The following BICD1 variants were observed in gnomAD, a reference collection of about 807,000 sequenced individuals.
BICD1 encodes the protein BICD cargo adaptor 1, also known as protein bicaudal D homolog 1.
In BICD1, 35 loss-of-function variants were observed where a neutral mutation model predicts 92.5. The ratio of observed to expected loss-of-function variants is 0.38; its 90% CI spans 0.29 to 0.50. The LOEUF (loss-of-function observed/expected upper bound fraction) is 0.50. Among genes scored for constraint, BICD1 ranks in the 20% least tolerant of loss-of-function variants. The pLI is 0.93. For synonymous variants in BICD1, 429 were observed against 465.1 expected (o/e 0.92, Z 1.00); for missense variants, 950 against 1,189.8 (o/e 0.80, Z 2.97).
intron 1 of BICD1, among the ~76,000 whole-genome samples, chr12:32,123,108 G>A (rs1592334022): frequency 6.6e-6 from 1 of 152,138 alleles, no homozygotes; most frequent in Non-Finnish European, 1.5e-5. Context: ...CATCCAAAAT[G>A]CTATGGGGGG....
chr12:32,366,155 G>GT (rs1248480657), intron 8 of BICD1, among the ~76,000 whole-genome samples: 2 of 152,190 alleles, frequency 1.3e-5, no homozygotes, highest in Non-Finnish European at 2.9e-5. Flanking sequence ...AGCATCAGCA[G>GT]TTTTTTCGAA....
At chr12:32,296,958 G>T (rs1357823517) in intron 3 of BICD1, among the ~76,000 whole-genome samples, 1 of 152,192 alleles carries the variant, frequency 6.6e-6, no homozygotes, top group Non-Finnish European at 1.5e-5. Flanking sequence ...AAAAAGGAGG[G>T]GGGACTTACA....
At chr12:32,234,249 T>A (rs1437610073) in intron 2 of BICD1, among the ~76,000 whole-genome samples, 1 of 152,190 alleles carries the variant, frequency 6.6e-6, no homozygotes, top group Non-Finnish European at 1.5e-5. Context: ...TTAAAAGTAC[T>A]TTTTTAGAAA....
chr12:32,246,805 C>G (rs1051724828), intron 2 of BICD1, among the ~76,000 whole-genome samples: 11 of 152,156 alleles, frequency 7.2e-5, no homozygotes, highest in Admixed American at 2.6e-4. Flanking sequence ...AAGACAAAAC[C>G]CTTGCTCTCA....
chr12:32,242,052 CA>C (rs112753735), intron 2 of BICD1, among the ~76,000 whole-genome samples: 1 of 149,748 alleles, frequency 6.7e-6, no homozygotes, highest in African/African-American at 2.5e-5. Flanking sequence ...AACAAACAAA[CA>C]AAAAAACAAA....
chr12:32,205,091 A>G (rs374423023), intron 1 of BICD1, among the ~76,000 whole-genome samples: 1 of 152,212 alleles, frequency 6.6e-6, no homozygotes, highest in African/African-American at 2.4e-5. Context: ...TTAAGAATGA[A>G]ATAAAACTTT....
chr12:32,335,873 C>T lies in BICD1; in HGVS notation c.2252+1206C>T, dbSNP rs182279389. Among the ~76,000 whole-genome samples, 8 of 152,218 alleles carry T rather than the reference C, an allele frequency of 5.3e-5. 1 individual carries two copies. The highest frequency in any genetic ancestry group is 1.3e-4 in the Admixed American group (2 of 15,286). On this transcript the variant is annotated intron_variant, in intron 6 of 9. Transcript: ENST00000652176. The stretch of plus-strand genomic sequence containing the variant: ...GTCCTGAGATACGGGTATGAGCCAC[C>T]ATGCCCGACCAAATCCTACCAATTG...
chr12:32,156,303 C>T (rs947248829), intron 1 of BICD1, among the ~76,000 whole-genome samples: 1 of 152,170 alleles, frequency 6.6e-6, no homozygotes, highest in Non-Finnish European at 1.5e-5. Flanking sequence ...ACAAACATAC[C>T]TCTGTGTGTG....
intron 1 of BICD1, among the ~76,000 whole-genome samples, chr12:32,176,329 T>A (rs570830021): frequency 1.6e-4 from 25 of 152,080 alleles, no homozygotes; most frequent in African/African-American, 6.0e-4. Flanking sequence ...TTTATATTTC[T>A]AGCAGTAATG....
At chr12:32,133,123 T>G (rs911790296) in intron 1 of BICD1, among the ~76,000 whole-genome samples, 1 of 152,104 alleles carries the variant, frequency 6.6e-6, no homozygotes, top group Non-Finnish European at 1.5e-5. Flanking sequence ...GGAGACGAAA[T>G]ATTTGCTTAT....
intron 1 of BICD1, among the ~76,000 whole-genome samples, chr12:32,188,078 A>G (rs1027592961): frequency 9.2e-5 from 14 of 151,972 alleles, no homozygotes; most frequent in Admixed American, 3.3e-4. Flanking sequence ...AGCTGGGATT[A>G]CAGAAACCTG....
chr12:32,123,896 C>T (rs1262749121), intron 1 of BICD1, among the ~76,000 whole-genome samples: 1 of 151,728 alleles, frequency 6.6e-6, no homozygotes, highest in Non-Finnish European at 1.5e-5. Context: ...AAAAAAAAGA[C>T]AGCCAGTTAT....
At chr12:32,333,971 C>G (rs1937990692) in intron 5 of BICD1, among the ~76,000 whole-genome samples, 1 of 152,120 alleles carries the variant, frequency 6.6e-6, no homozygotes, top group South Asian at 2.1e-4. Flanking sequence ...TTTATCACTT[C>G]TTTTCCTTAA....
chr12:32,285,994 C>G (rs907488021), intron 2 of BICD1, among the ~76,000 whole-genome samples: 1 of 152,126 alleles, frequency 6.6e-6, no homozygotes, highest in African/African-American at 2.4e-5. Context: ...ATAAATAAGA[C>G]CAGTTTTCTT....
At chr12:32,240,113 A>G (rs926157237) in intron 2 of BICD1, among the ~76,000 whole-genome samples, 19 of 152,190 alleles carry the variant, frequency 1.2e-4, no homozygotes, top group African/African-American at 4.6e-4. Context: ...CTGAAGAGTA[A>G]GATTTTGTCA....
intron 2 of BICD1, among the ~76,000 whole-genome samples, chr12:32,249,646 G>A (rs1374357854): frequency 2.0e-5 from 3 of 151,594 alleles, no homozygotes; most frequent in Non-Finnish European, 4.4e-5. Context: ...ATCACTAAGG[G>A]CTTCAGGACT....
intron 3 of BICD1, among the ~76,000 whole-genome samples, chr12:32,300,294 G>A (rs1428872965): frequency 1.3e-5 from 2 of 151,812 alleles, no homozygotes; most frequent in African/African-American, 4.8e-5. Flanking sequence ...TAGTAGAGAC[G>A]GTGTTTCACC....
intron 1 of BICD1, among the ~76,000 whole-genome samples, chr12:32,149,124 C>T (rs1357647455): frequency 6.6e-6 from 1 of 152,142 alleles, no homozygotes; most frequent in African/African-American, 2.4e-5. Context: ...TCCTGTACTG[C>T]ACTGGGTCTC....
intron 1 of BICD1, among the ~76,000 whole-genome samples, chr12:32,182,438 A>G (rs181882955): frequency 5.3e-5 from 8 of 151,270 alleles, no homozygotes; most frequent in Admixed American, 2.6e-4. Flanking sequence ...GGGCGTCACC[A>G]TGCCCAGGTA....
Sources: gnomAD v4.1 joint callset for allele counts (sites outside exome capture counted in the v4.1 genomes callset) on GRCh38, gnomAD v4.1.1 for gene constraint, MANE v1.5 for transcripts, NCBI Gene and HGNC (gene_info 2026-07-23, HGNC 2026-07-21) for gene names.